Variants in PCDH11X observed in about 807,000 individuals in gnomAD.
PCDH11X encodes protocadherin 11 X-linked.
PCDH11X carries 18 observed loss-of-function variants against 53.3 expected under a neutral mutation model. The ratio of observed to expected loss-of-function variants is 0.34; its 90% CI spans 0.23 to 0.50. The LOEUF is 0.50. PCDH11X is among the 20% of genes least tolerant of loss of function. The pLI is 0.98. For missense variants in PCDH11X, 570 were observed against 1,032.4 expected (o/e 0.55, Z 6.14); for synonymous variants, 279 against 393.3 (o/e 0.71, Z 3.44).
intron 8 of PCDH11X, among the ~76,000 whole-genome samples, chrX:92,270,312 TG>T (rs778826808): frequency 4.6e-5 from 5 of 109,683 alleles, no homozygotes; most frequent in Non-Finnish European, 9.5e-5. Flanking sequence ...TTAGTAGAGA[TG>T]GGGTGTTACC....
At chrX:91,916,273 A>G (rs1941560971) in intron 6 of PCDH11X, among the ~76,000 whole-genome samples, 1 of 110,833 alleles carries the variant, frequency 9.0e-6, no homozygotes, top group African/African-American at 3.3e-5. Flanking sequence ...AAGGAACTAG[A>G]GAAACAAGAA....
intron 10 of PCDH11X, among the ~76,000 whole-genome samples, chrX:92,496,552 C>T (rs2750820): frequency 0.26 from 25,453 of 98,950 alleles, 3,834 homozygotes; most frequent in Non-Finnish European, 0.34. Flanking sequence ...AGATGTATAT[C>T]CTTTGACTTT....
rs1433181981 is a variant in PCDH11X, at chrX:92,622,823, AG to A, written c.*3884del. 9.1e-6 allele frequency: 1 copy of A among 110,166 alleles called. No homozygotes were observed. Among genetic ancestry groups the A allele is most frequent in the African/African-American group, 3.3e-5 (1 of 30,390 alleles). 9.1% of individuals were successfully genotyped at this position (110,166 alleles called of 1,213,427 possible). A position where few individuals can be genotyped will look rare whatever the true frequency, so the allele number is the denominator to read the frequency against. On this transcript the variant is annotated 3_prime_UTR_variant, in exon 11 of 11. Transcript: ENST00000682573. ...AAATATGATTTTTAAAAGCAGTTCA[AG>A]TTGACAACAGCAGAAACAGTAACAA...
At chrX:92,252,431 C>A (rs150142145) in intron 7 of PCDH11X, among the ~76,000 whole-genome samples, 124 of 109,232 alleles carry the variant, frequency 1.1e-3, no homozygotes, top group African/African-American at 4.0e-3. Context: ...GAAAAGCTTT[C>A]TTCTCTAGTT....
At chrX:92,185,887 G>A (rs1340757309) in intron 6 of PCDH11X, among the ~76,000 whole-genome samples, 2 of 110,910 alleles carry the variant, frequency 1.8e-5, no homozygotes, top group African/African-American at 6.6e-5. Flanking sequence ...GAAGAGAATG[G>A]GAACTTTTAT....
At chrX:92,549,356 TATC>T (rs1358921781) in intron 10 of PCDH11X, among the ~76,000 whole-genome samples, 1 of 104,229 alleles carries the variant, frequency 9.6e-6, no homozygotes, top group African/African-American at 3.5e-5. Context: ...ACTTAGAAAG[TATC>T]ATGATTTCAG....
At chrX:92,545,889 TGG>T (rs1256709609) in intron 10 of PCDH11X, among the ~76,000 whole-genome samples, 11 of 108,621 alleles carry the variant, frequency 1.0e-4, no homozygotes, top group African/African-American at 3.6e-4. Flanking sequence ...TTAATCCCTT[TGG>T]TTTACAAATA....
At chrX:92,485,664 G>A (rs1474282260) in intron 10 of PCDH11X, among the ~76,000 whole-genome samples, 4 of 111,636 alleles carry the variant, frequency 3.6e-5, no homozygotes, top group East Asian at 5.6e-4. Context: ...TGTAGTTCTC[G>A]AAACTCATTT....
chrX:92,383,814 G>C (rs2070947187), intron 8 of PCDH11X, among the ~76,000 whole-genome samples: 1 of 111,863 alleles, frequency 8.9e-6, no homozygotes, highest in African/African-American at 3.3e-5. Flanking sequence ...ATAGTAGAAT[G>C]ATTTATAATC....
intron 7 of PCDH11X, among the ~76,000 whole-genome samples, chrX:92,256,521 G>C (rs1395464827): frequency 1.8e-5 from 2 of 111,651 alleles, no homozygotes; most frequent in Non-Finnish European, 3.8e-5. Flanking sequence ...ATCCCACTTG[G>C]TGATAATGAA....
intron 4 of PCDH11X, among the ~76,000 whole-genome samples, chrX:91,831,164 G>C (rs1162817823): frequency 9.0e-6 from 1 of 110,965 alleles, no homozygotes; most frequent in Non-Finnish European, 1.9e-5. Context: ...TTCTGCTTTT[G>C]CTTTCTCTAA....
intron 4 of PCDH11X, among the ~76,000 whole-genome samples, chrX:91,819,644 T>A (rs1450761865): frequency 9.2e-6 from 1 of 108,463 alleles, no homozygotes; most frequent in African/African-American, 3.4e-5. Context: ...TTTTTTTTCC[T>A]TTCTTTTTTT....
chrX:92,009,700 C>CTTTTTTTTT (rs68159170), intron 6 of PCDH11X, among the ~76,000 whole-genome samples: 3 of 66,644 alleles, frequency 4.5e-5, no homozygotes, highest in Admixed American at 2.2e-4. Context: ...TGACTGTTGC[C>CTTTTTTTTT]TTTTTTTTTT....
In PCDH11X at chrX:91,795,998, T is replaced by C. The variant is rs759018747; in HGVS notation, c.-378-13468T>C. 1.8e-3 allele frequency among the ~76,000 whole-genome samples: 205 copies of C among 112,183 alleles called. 1 individual carries two copies. The highest frequency in any genetic ancestry group is 6.2e-3 in the African/African-American group (193 of 30,976). On this transcript the variant is annotated intron_variant, in intron 1 of 10. Transcript: ENST00000682573. ...CTATTGCTAAAAATGTCTAACACAT[T>C]AGACTTTTAATAGATTAATGGAATG...
intron 6 of PCDH11X, among the ~76,000 whole-genome samples, chrX:92,129,976 G>A (rs1022574731): frequency 1.1e-4 from 12 of 111,537 alleles, no homozygotes; most frequent in Admixed American, 1.9e-4. Flanking sequence ...ACACGCACAC[G>A]CACACGCACA....
intron 6 of PCDH11X, chrX:91,983,195 A>T (rs1266873521): frequency 1.2e-6 from 1 of 837,882 alleles, no homozygotes; most frequent in Non-Finnish European, 1.8e-6. Flanking sequence ...AGTCTTAGGT[A>T]AGAAGGATGA....
At chrX:92,331,372 T>TTCCTCCTCC (rs778767931) in intron 8 of PCDH11X, among the ~76,000 whole-genome samples, 9,914 of 83,295 alleles carry the variant, frequency 0.12, 1,625 homozygotes, top group African/African-American at 0.38. Flanking sequence ...CCTCCTCCTT[T>TTCCTCCTCC]TCCTCCTCCT....
At chrX:92,226,080 AC>A (rs747126074) in intron 7 of PCDH11X, among the ~76,000 whole-genome samples, 3 of 111,829 alleles carry the variant, frequency 2.7e-5, no homozygotes, top group Non-Finnish European at 5.6e-5. Flanking sequence ...CACAATTTGT[AC>A]CCTTATGTAG....
rs141248252 is a variant in PCDH11X, at chrX:92,012,074, G to A, written c.3033+132801G>A. Among the ~76,000 whole-genome samples, 415 of 110,576 alleles carry A rather than the reference G, an allele frequency of 3.8e-3. 7 individuals carry two copies. In the East Asian group the frequency reaches 0.044, roughly 12 times the overall value. The stretch of plus-strand genomic sequence containing the variant: ...TGGGGCCATTACAGCAACCTAATAG[G>A]CAAATCTAGCATATATCCTTTGTAC... On this transcript the variant is annotated intron_variant, in intron 6 of 10. Coordinates refer to ENST00000682573, the MANE Select transcript of PCDH11X (RefSeq NM_032968.5).
Sources: gnomAD v4.1 joint callset for allele counts (sites outside exome capture counted in the v4.1 genomes callset) on GRCh38, gnomAD v4.1.1 for gene constraint, MANE v1.5 for transcripts, NCBI Gene and HGNC (gene_info 2026-07-23, HGNC 2026-07-21) for gene names.